PRELID2: variants seen among roughly 807,000 people sequenced by gnomAD.
The protein encoded by PRELID2 is PRELI domain containing 2.
Under a neutral mutation model 28.4 loss-of-function variants are expected in PRELID2, and 25 were observed. That is an observed-to-expected ratio of 0.88 (90% confidence interval 0.64 to 1.23). The LOEUF (loss-of-function observed/expected upper bound fraction) is 1.23. PRELID2 is among the 50% of genes most tolerant of loss of function. The probability of loss-of-function intolerance (pLI) is 0.00; values close to 1 mark genes in which losing one functional copy is unlikely to be tolerated. For missense variants in PRELID2, 201 were observed against 214.4 expected, an observed-to-expected ratio of 0.94 and a Z score of 0.39; for synonymous variants, 76 against 71.6, an observed-to-expected ratio of 1.06 and a Z score of -0.31.
chr5:145,813,231 G>A (rs1257202876), intron 4 of PRELID2, among the ~76,000 whole-genome samples: 5 of 152,060 alleles, frequency 3.3e-5, no homozygotes, highest in African/African-American at 9.7e-5. Flanking sequence ...TGGGTGCAGT[G>A]GCTAGCCATT....
the PRELID2 span, among the ~76,000 whole-genome samples, chr5:145,406,452 G>A: frequency 6.6e-6 from 1 of 152,168 alleles, no homozygotes; most frequent in African/African-American, 2.4e-5. Flanking sequence ...ATCTCAAAGG[G>A]CAGAGAAAGA....
At chr5:145,359,113 A>G in the PRELID2 span, among the ~76,000 whole-genome samples, 1 of 152,178 alleles carries the variant, frequency 6.6e-6, no homozygotes, top group Non-Finnish European at 1.5e-5. Context: ...TTTAACTGGT[A>G]CTCCAAACCT....
the PRELID2 span, among the ~76,000 whole-genome samples, chr5:145,460,253 A>G: frequency 6.6e-6 from 1 of 152,190 alleles, no homozygotes; most frequent in Non-Finnish European, 1.5e-5. Flanking sequence ...TTATTTCAAT[A>G]AAGAGTTCTT....
intron 1 of PRELID2, among the ~76,000 whole-genome samples, chr5:145,650,523 CATATATACATATATATATAT>C (rs1213005263): frequency 3.6e-4 from 33 of 91,740 alleles, no homozygotes; most frequent in South Asian, 1.6e-3. Flanking sequence ...TCGAATCGCA[CATATATACATATATATATAT>C]ATATATATAT....
At chr5:145,616,405 C>G (rs906682517) in intron 1 of PRELID2, among the ~76,000 whole-genome samples, 2 of 152,180 alleles carry the variant, frequency 1.3e-5, no homozygotes, top group Admixed American at 6.5e-5. Context: ...AGGGGAAATT[C>G]AGCCAGATAT....
chr5:145,298,104 A>G, the PRELID2 span, among the ~76,000 whole-genome samples: 1 of 152,150 alleles, frequency 6.6e-6, no homozygotes, highest in South Asian at 2.1e-4. Flanking sequence ...TTCTTCACAG[A>G]ATTGGAAAAA....
the PRELID2 span, among the ~76,000 whole-genome samples, chr5:145,287,652 T>G: frequency 1.3e-5 from 2 of 152,318 alleles, no homozygotes; most frequent in South Asian, 4.1e-4. Context: ...CAAAGAGTTT[T>G]TATGTATCTT....
intron 1 of PRELID2, among the ~76,000 whole-genome samples, chr5:145,726,503 G>A (rs1654146): frequency 0.18 from 28,051 of 152,042 alleles, 3,010 homozygotes; most frequent in African/African-American, 0.29. Context: ...TTAATTCCTG[G>A]AGATGGATGA....
At chr5:145,536,945 A>C (rs1752703901) in intron 1 of PRELID2, among the ~76,000 whole-genome samples, 2 of 151,880 alleles carry the variant, frequency 1.3e-5, no homozygotes, top group African/African-American at 4.8e-5. Flanking sequence ...TTTGTTGTGG[A>C]AGAGAGAATT....
chr5:145,786,277 T>G (rs528902126), intron 5 of PRELID2, among the ~76,000 whole-genome samples: 2 of 152,344 alleles, frequency 1.3e-5, no homozygotes, highest in East Asian at 3.9e-4. Flanking sequence ...CCTCCTGGTA[T>G]TTATGCCCCT....
rs1752317028 is a variant in PRELID2, at chr5:145,497,235, TC to T, written n.71-23921del. On this transcript the variant is annotated intron_variant and non_coding_transcript_variant, in intron 1 of 2. Transcript: ENST00000510259. ...GATTTCCCAGGGGATTCCGTTCCAG[TC>T]ATCCACTGTGCTTTTGTAGTACAGT... 2.0e-5 allele frequency among the ~76,000 whole-genome samples: 3 copies of T among 152,294 alleles called. No homozygotes were observed. In the East Asian group the frequency reaches 5.8e-4, roughly 29 times the overall value.
At chr5:145,228,986 G>A in the PRELID2 span, 62 of 1,593,522 alleles carry the variant, frequency 3.9e-5, no homozygotes, top group African/African-American at 8.1e-5. Context: ...GAGCCAAAAA[G>A]GTGTTCATTG....
chr5:145,295,340 T>C, the PRELID2 span, among the ~76,000 whole-genome samples: 32 of 152,302 alleles, frequency 2.1e-4, no homozygotes, highest in African/African-American at 3.8e-4. Context: ...CATGGTAATA[T>C]AATTTATTTT....
chr5:145,776,775 T>G (rs1342597063), intron 5 of PRELID2, among the ~76,000 whole-genome samples: 1 of 152,228 alleles, frequency 6.6e-6, no homozygotes, highest in Non-Finnish European at 1.5e-5. Context: ...CTATTTCAGT[T>G]GCTAACTAAG....
At chr5:145,239,489 A>C in the PRELID2 span, among the ~76,000 whole-genome samples, 1 of 152,056 alleles carries the variant, frequency 6.6e-6, no homozygotes, top group Non-Finnish European at 1.5e-5. Flanking sequence ...CTGACTGCTG[A>C]GGTCTCTAAT....
chr5:145,741,163 AAT>A lies in PRELID2; in HGVS notation n.70+23766_70+23767del, dbSNP rs1318345639. On this transcript the variant is annotated intron_variant and non_coding_transcript_variant, in intron 1 of 2. Coordinates refer to the PRELID2 transcript ENST00000510259. ...AATGTATAAATATGTAAAATATATA[AAT>A]ATATATTTTATTTATATATAATATA... Among the ~76,000 whole-genome samples the A allele has an allele frequency of 1.9e-4, 22 of 115,106 alleles. 1 individual carries two copies. Among genetic ancestry groups the A allele is most frequent in the African/African-American group, 6.3e-4 (18 of 28,476 alleles). The allele number at this position is 115,106 out of a possible 152,430, so 75.5% of individuals were successfully genotyped here.
chr5:145,457,395 T>A, the PRELID2 span, among the ~76,000 whole-genome samples: 1 of 152,084 alleles, frequency 6.6e-6, no homozygotes, highest in South Asian at 2.1e-4. Context: ...TCCCTTTCTC[T>A]CCCCCACCCT....
chr5:145,427,533 G>T, the PRELID2 span, among the ~76,000 whole-genome samples: 1 of 152,166 alleles, frequency 6.6e-6, no homozygotes, highest in Non-Finnish European at 1.5e-5. Context: ...TACCATCTGG[G>T]TGAGAGAGAT....
intron 1 of PRELID2, among the ~76,000 whole-genome samples, chr5:145,541,814 C>T (rs969282648): frequency 2.0e-5 from 3 of 151,588 alleles, no homozygotes. Flanking sequence ...AGATAATGGG[C>T]CATTTCCATT....
Sources: allele counts gnomAD v4.1 joint callset (sites outside exome capture counted in the v4.1 genomes callset), GRCh38; gene constraint gnomAD v4.1.1; transcripts MANE v1.5; gene names NCBI Gene and HGNC (gene_info 2026-07-23, HGNC 2026-07-21).